Variants in SIPA1L2 observed in about 807,000 individuals in gnomAD.
SIPA1L2 encodes signal-induced proliferation-associated 1-like protein 2.
SIPA1L2 carries 56 observed loss-of-function variants against 163.9 expected under a neutral mutation model. That is an observed-to-expected ratio of 0.34 (90% CI 0.28 to 0.43). The LOEUF (loss-of-function observed/expected upper bound fraction) is 0.43. Among genes scored for constraint, SIPA1L2 ranks in the 20% least tolerant of loss-of-function variants. The pLI is 1.00. For synonymous variants in SIPA1L2, 877 were observed against 865.7 expected, an observed-to-expected ratio of 1.01 and a Z score of -0.23; for missense variants, 1,974 against 2,193.5, an observed-to-expected ratio of 0.90 and a Z score of 2.00.
At chr1:232,486,825 C>T (rs1178997114) in intron 5 of SIPA1L2, among the ~76,000 whole-genome samples, 2 of 152,166 alleles carry the variant, frequency 1.3e-5, no homozygotes, top group African/African-American at 4.8e-5. Flanking sequence ...ACTAAATACT[C>T]CCGGGGTATA....
Position 232,409,985 on chromosome 1 carries a change from C to G in SIPA1L2, c.4762+5509G>C, listed in dbSNP as rs74144323. 2.5e-3 allele frequency among the ~76,000 whole-genome samples: 374 copies of G among 152,230 alleles called. 6 individuals carry two copies. The highest frequency in any genetic ancestry group is 8.4e-3 in the African/African-American group (351 of 41,546). On this transcript the variant is annotated intron_variant, in intron 19 of 22. Transcript: ENST00000674635. ...AATTACTTTACCTATTTTATAATCTCTAATTAAACTTCATTTTGATCTTTT... is the reference window on the plus strand; with the variant it reads ...AATTACTTTACCTATTTTATAATCTGTAATTAAACTTCATTTTGATCTTTT...
At chr1:232,561,263 A>G (rs1284159925) in intron 2 of SIPA1L2, among the ~76,000 whole-genome samples, 1 of 152,238 alleles carries the variant, frequency 6.6e-6, no homozygotes. Flanking sequence ...TTCTGGTAAA[A>G]GATAACAAAG....
intron 1 of SIPA1L2, among the ~76,000 whole-genome samples, chr1:232,578,126 G>A (rs1274605916): frequency 6.6e-6 from 1 of 152,184 alleles, no homozygotes; most frequent in Non-Finnish European, 1.5e-5. Flanking sequence ...CTGACTTGCT[G>A]AAGGCTCAGA....
intron 2 of SIPA1L2, among the ~76,000 whole-genome samples, chr1:232,522,882 TAGTC>T (rs1006146367): frequency 3.3e-5 from 5 of 152,180 alleles, no homozygotes; most frequent in African/African-American, 1.2e-4. Flanking sequence ...GTAAAGGAAA[TAGTC>T]AGGTTTACAA....
chr1:232,582,046 G>A (rs1660406401), intron 1 of SIPA1L2, among the ~76,000 whole-genome samples: 1 of 152,068 alleles, frequency 6.6e-6, no homozygotes, highest in African/African-American at 2.4e-5. Flanking sequence ...ATTCTTAATG[G>A]GCAGAAGCCT....
At chr1:232,417,360 G>C (rs1661321467) in intron 18 of SIPA1L2, among the ~76,000 whole-genome samples, 1 of 152,128 alleles carries the variant, frequency 6.6e-6, no homozygotes, top group Non-Finnish European at 1.5e-5. Flanking sequence ...ATTTTGAAGG[G>C]AACCCAGTAA....
chr1:232,447,113 A>G lies in SIPA1L2; in HGVS notation c.3096-1327T>C, dbSNP rs531867767. On this transcript the variant is annotated intron_variant, in intron 10 of 22. Coordinates refer to ENST00000674635, the MANE Select transcript of SIPA1L2 (RefSeq NM_020808.5). ...GAAATGTACTCCAAATTTCAAAGAC[A>G]TAATACAAAAAATAATGTAAACTAT... Among the ~76,000 whole-genome samples the G allele has an allele frequency of 7.2e-4, 110 of 152,388 alleles. 2 individuals carry two copies. In the South Asian group the frequency reaches 0.02, roughly 28 times the overall value.
chr1:232,625,851 G>A (rs550274059), intron 1 of SIPA1L2, among the ~76,000 whole-genome samples: 1 of 152,314 alleles, frequency 6.6e-6, no homozygotes, highest in South Asian at 2.1e-4. Flanking sequence ...GGTATTACCG[G>A]AAGACCACTT....
At chr1:232,484,788 A>G (rs555869351) in intron 5 of SIPA1L2, among the ~76,000 whole-genome samples, 3 of 152,198 alleles carry the variant, frequency 2.0e-5, no homozygotes, top group Non-Finnish European at 2.9e-5. Flanking sequence ...TAACTCATGC[A>G]ATCAGAGCTC....
At chr1:232,597,074 A>G (rs1661293705) in intron 1 of SIPA1L2, among the ~76,000 whole-genome samples, 1 of 152,162 alleles carries the variant, frequency 6.6e-6, no homozygotes, top group Admixed American at 6.5e-5. Flanking sequence ...TACGGTTTTT[A>G]ACTTTTTCAA....
intron 2 of SIPA1L2, among the ~76,000 whole-genome samples, chr1:232,541,277 A>ATAACC (rs1553309814): frequency 6.6e-6 from 1 of 150,682 alleles, no homozygotes; most frequent in Non-Finnish European, 1.5e-5. Context: ...ATAACATAAC[A>ATAACC]TAACATAACA....
In SIPA1L2 at chr1:232,569,798, G is replaced by A. The variant is rs545810977; in HGVS notation, c.-270+4376C>T. 7.2e-5 allele frequency among the ~76,000 whole-genome samples: 11 copies of A among 152,278 alleles called. 1 individual carries two copies. In the South Asian group the frequency reaches 1.9e-3, roughly 26 times the overall value. On this transcript the variant is annotated intron_variant, in intron 2 of 22. Coordinates refer to ENST00000674635, the MANE Select transcript of SIPA1L2 (RefSeq NM_020808.5). ...GCTGCACTCTAGCCTGGGCAACAGA[G>A]CAAGACTCCATCTCTAAATAAATAA...
chr1:232,509,325 T>C (rs978865070), intron 3 of SIPA1L2, among the ~76,000 whole-genome samples: 2 of 152,232 alleles, frequency 1.3e-5, no homozygotes, highest in Non-Finnish European at 2.9e-5. Context: ...TATCGCACTT[T>C]AAACATTTGC....
intron 1 of SIPA1L2, among the ~76,000 whole-genome samples, chr1:232,615,588 A>G (rs1662460225): frequency 6.6e-6 from 1 of 152,234 alleles, no homozygotes; most frequent in South Asian, 2.1e-4. Context: ...TATTCCATTC[A>G]TCAAGTGTCT....
chr1:232,453,982 T>C (rs1189451139), intron 10 of SIPA1L2, among the ~76,000 whole-genome samples: 2 of 152,210 alleles, frequency 1.3e-5, no homozygotes, highest in African/African-American at 4.8e-5. Context: ...AGCTTGCTAA[T>C]AGCTAAAATA....
intron 2 of SIPA1L2, among the ~76,000 whole-genome samples, chr1:232,540,497 T>C (rs1377483792): frequency 6.6e-6 from 1 of 152,042 alleles, no homozygotes; most frequent in Non-Finnish European, 1.5e-5. Context: ...CCCCTCTGAA[T>C]GAGGGAAGGA....
In SIPA1L2 at chr1:232,431,370, T is replaced by C. The variant is rs536509042; in HGVS notation, c.4256+877A>G. Among the ~76,000 whole-genome samples the C allele has an allele frequency of 3.9e-5, 6 of 152,336 alleles. No homozygotes were observed. In the South Asian group the frequency reaches 1.2e-3, roughly 32 times the overall value. On this transcript the variant is annotated intron_variant, in intron 16 of 22. Transcript: ENST00000674635. ...TCAATTTAAGCACTAAAAGAATTTTTAATTTAGAAGGCAATATCATATGAG... is the reference window on the plus strand; with the variant it reads ...TCAATTTAAGCACTAAAAGAATTTTCAATTTAGAAGGCAATATCATATGAG...
chr1:232,625,388 CA>C (rs1214551868), intron 1 of SIPA1L2, among the ~76,000 whole-genome samples: 1 of 152,136 alleles, frequency 6.6e-6, no homozygotes, highest in African/African-American at 2.4e-5. Context: ...ATAATATAAT[CA>C]AATTCTAAAA....
chr1:232,618,653 CAA>C (rs56213704), intron 1 of SIPA1L2, among the ~76,000 whole-genome samples: 146 of 119,996 alleles, frequency 1.2e-3, no homozygotes, highest in Admixed American at 6.7e-3. Context: ...GACTCCATCT[CAA>C]AAAAAAAAAA....
Sources: gnomAD v4.1 joint callset for allele counts (sites outside exome capture counted in the v4.1 genomes callset) on GRCh38, gnomAD v4.1.1 for gene constraint, MANE v1.5 for transcripts, NCBI Gene and HGNC (gene_info 2026-07-23, HGNC 2026-07-21) for gene names.